The following CACNA2D1 variants were observed in gnomAD, a reference collection of about 807,000 sequenced individuals.
CACNA2D1 encodes calcium voltage-gated channel auxiliary subunit alpha2delta 1.
CACNA2D1 carries 53 observed loss-of-function variants against 171.5 expected under a neutral mutation model. The observed-to-expected ratio is 0.31, with a 90% CI of 0.25 to 0.39. CACNA2D1 has a LOEUF of 0.39. Among genes scored for constraint, CACNA2D1 ranks in the 10% least tolerant of loss-of-function variants. The pLI is 1.00. For missense variants in CACNA2D1, 903 were observed against 1,299.8 expected, an observed-to-expected ratio of 0.69 and a Z score of 4.69; for synonymous variants, 442 against 443.1, an observed-to-expected ratio of 1.00 and a Z score of 0.03.
intron 3 of CACNA2D1, among the ~76,000 whole-genome samples, chr7:82,249,685 G>T (rs1805392435): frequency 6.6e-6 from 1 of 152,134 alleles, no homozygotes; most frequent in Non-Finnish European, 1.5e-5. Context: ...CAATAATACT[G>T]AACCCACCTA....
intron 1 of CACNA2D1, among the ~76,000 whole-genome samples, chr7:82,374,800 A>G (rs1585707470): frequency 7.6e-6 from 1 of 131,578 alleles, no homozygotes; most frequent in East Asian, 2.5e-4. Context: ...CAAAAAAAGA[A>G]AAAAGACTAC....
chr7:81,960,920 T>C (rs1285473646), intron 36 of CACNA2D1, among the ~76,000 whole-genome samples: 1 of 152,036 alleles, frequency 6.6e-6, no homozygotes, highest in Non-Finnish European at 1.5e-5. Context: ...TTTCCTCTCC[T>C]CTTTATATAC....
At chr7:81,998,160 G>T (rs1798239113) in intron 18 of CACNA2D1, among the ~76,000 whole-genome samples, 1 of 151,776 alleles carries the variant, frequency 6.6e-6, no homozygotes, top group Non-Finnish European at 1.5e-5. Context: ...CCTAAGTAAT[G>T]TAACATGTCA....
At chr7:82,181,077 T>TTTTTTTTTTTTG in intron 3 of CACNA2D1, among the ~76,000 whole-genome samples, 1 of 118,982 alleles carries the variant, frequency 8.4e-6, no homozygotes, top group South Asian at 2.8e-4. Flanking sequence ...TTTTTTTTTT[T>TTTTTTTTTTTTG]GCGTCAGTGA....
At chr7:82,227,995 C>T (rs1041478453) in intron 3 of CACNA2D1, among the ~76,000 whole-genome samples, 5 of 152,042 alleles carry the variant, frequency 3.3e-5, no homozygotes, top group African/African-American at 1.2e-4. Flanking sequence ...ATAACAATCC[C>T]CTACCCTAGA....
At chr7:81,982,905 G>A (rs997259950) in intron 23 of CACNA2D1, among the ~76,000 whole-genome samples, 3 of 151,916 alleles carry the variant, frequency 2.0e-5, no homozygotes, top group South Asian at 4.2e-4. Context: ...TACTATAACC[G>A]AATATCTTTT....
intron 3 of CACNA2D1, among the ~76,000 whole-genome samples, chr7:82,181,981 T>C (rs1182077748): frequency 6.6e-6 from 1 of 152,230 alleles, no homozygotes; most frequent in Non-Finnish European, 1.5e-5. Context: ...AATTTATTAA[T>C]TTGCATTAAC....
chr7:82,402,326 C>A (rs766997549), intron 1 of CACNA2D1, among the ~76,000 whole-genome samples: 2 of 152,112 alleles, frequency 1.3e-5, no homozygotes, highest in Non-Finnish European at 2.9e-5. Flanking sequence ...CTTTATTAAC[C>A]CTCACAATAA....
chr7:82,228,701 G>A (rs921422858), intron 3 of CACNA2D1, among the ~76,000 whole-genome samples: 1 of 152,108 alleles, frequency 6.6e-6, no homozygotes, highest in African/African-American at 2.4e-5. Context: ...ATAAAATAGT[G>A]TATATAAGAT....
In CACNA2D1 at chr7:82,265,057, T is replaced by C. The variant is rs551178905; in HGVS notation, c.294+70078A>G. Among the ~76,000 whole-genome samples, 215 of 152,308 alleles carry C rather than the reference T, an allele frequency of 1.4e-3. 1 individual carries two copies. Among genetic ancestry groups the C allele is most frequent in the African/African-American group, 4.9e-3 (204 of 41,556 alleles). The stretch of plus-strand genomic sequence containing the variant: ...AGTCTTCGTCCAAACCCAGGTCTTG[T>C]AAGTTATTGTTGGAGGAACTGCTGC... On this transcript the variant is annotated intron_variant, in intron 3 of 38. Transcript: ENST00000356860.
At chr7:82,132,717 G>T (rs903624701) in intron 5 of CACNA2D1, among the ~76,000 whole-genome samples, 3 of 152,174 alleles carry the variant, frequency 2.0e-5, no homozygotes, top group African/African-American at 4.8e-5. Flanking sequence ...TATCCAGAAT[G>T]TTCCTAGAGA....
intron 18 of CACNA2D1, 68 bp from the exon 19 acceptor site, chr7:81,997,318 T>A: frequency 9.8e-7 from 1 of 1,023,582 alleles, no homozygotes; most frequent in Non-Finnish European, 1.5e-6. Context: ...TAAAACAATT[T>A]AACGGGTATT....
rs539998713 is a variant in CACNA2D1, at chr7:82,186,189, AAGGGAGGGAGGGAGGG to A, written c.295-15596_295-15581del. ...AAAAAAGAGAGAGAAGGAAGGAAGG[AAGGGAGGGAGGGAGGG>A]AGGGAGGGAGGGAAAGAGAGAGAGA... On this transcript the variant is annotated intron_variant, in intron 3 of 38. Transcript: ENST00000356860. 7.2e-3 allele frequency among the ~76,000 whole-genome samples: 734 copies of A among 102,426 alleles called. 10 individuals are homozygous for A. In the East Asian group the frequency reaches 0.074, roughly 10 times the overall value. 67.2% of individuals were successfully genotyped at this position (102,426 alleles called of 152,430 possible).
At chr7:82,009,336 A>G (rs2130900158) in intron 15 of CACNA2D1, 1 of 152,236 alleles carries the variant, frequency 6.6e-6, no homozygotes, top group South Asian at 2.1e-4. Flanking sequence ...GTGAGAACAG[A>G]CTCATACAGT....
chr7:82,123,043 T>G (rs185854394), intron 5 of CACNA2D1, among the ~76,000 whole-genome samples: 1 of 152,260 alleles, frequency 6.6e-6, no homozygotes, highest in African/African-American at 2.4e-5. Context: ...TAAATGCCAC[T>G]AATCCAGGAC....
At chr7:82,193,146 A>T (rs1277519190) in intron 3 of CACNA2D1, among the ~76,000 whole-genome samples, 2 of 151,296 alleles carry the variant, frequency 1.3e-5, no homozygotes, top group African/African-American at 4.8e-5. Flanking sequence ...TGAGAATTGC[A>T]CTTTACCCGG....
chr7:82,230,898 T>G (rs1187647934), intron 3 of CACNA2D1, among the ~76,000 whole-genome samples: 2 of 152,336 alleles, frequency 1.3e-5, no homozygotes, highest in East Asian at 3.9e-4. Flanking sequence ...CATGACAAAC[T>G]TCTCCCTTAT....
At chr7:82,167,896 C>T (rs1329434111) in intron 4 of CACNA2D1, among the ~76,000 whole-genome samples, 1 of 152,082 alleles carries the variant, frequency 6.6e-6, no homozygotes, top group Non-Finnish European at 1.5e-5. Flanking sequence ...GCTAAGAATT[C>T]CTAATACTTA....
At chr7:82,124,146 G>C (rs1227988937) in intron 5 of CACNA2D1, among the ~76,000 whole-genome samples, 5 of 152,074 alleles carry the variant, frequency 3.3e-5, no homozygotes, top group Non-Finnish European at 5.9e-5. Context: ...ATTGCAAACT[G>C]TAAGGTAATT....
Sources: gnomAD v4.1 joint callset for allele counts (sites outside exome capture counted in the v4.1 genomes callset) on GRCh38, gnomAD v4.1.1 for gene constraint, MANE v1.5 for transcripts, NCBI Gene and HGNC (gene_info 2026-07-23, HGNC 2026-07-21) for gene names.